SHANK2: variants seen among roughly 807,000 people sequenced by gnomAD.
SHANK2 encodes SH3 and multiple ankyrin repeat domains 2.
SHANK2 carries 43 observed loss-of-function variants against 133.7 expected under a neutral mutation model. That is an observed-to-expected ratio of 0.32 (90% CI 0.25 to 0.41). The LOEUF is 0.41. Ranked by LOEUF, SHANK2 falls within the 10% of genes least tolerant of loss-of-function variation. The probability of loss-of-function intolerance (pLI) is 1.00; values close to 1 mark genes in which losing one functional copy is unlikely to be tolerated. For synonymous variants in SHANK2, 1,017 were observed against 952.8 expected, an observed-to-expected ratio of 1.07 and a Z score of -1.24; for missense variants, 1,994 against 2,235.8, an observed-to-expected ratio of 0.89 and a Z score of 2.18.
intron 10 of SHANK2, among the ~76,000 whole-genome samples, chr11:70,928,557 G>A (rs1169767282): frequency 6.6e-6 from 1 of 152,158 alleles, no homozygotes; most frequent in Non-Finnish European, 1.5e-5. Flanking sequence ...TCAGAATGGA[G>A]GAAAAGCCTG....
At chr11:71,092,219 T>C (rs1169732909) in intron 8 of SHANK2, among the ~76,000 whole-genome samples, 10 of 152,252 alleles carry the variant, frequency 6.6e-5, no homozygotes, top group African/African-American at 1.9e-4. Flanking sequence ...TCTATTTCTA[T>C]GCAAATGTGT....
intron 17 of SHANK2, among the ~76,000 whole-genome samples, chr11:70,605,949 C>G (rs187205058): frequency 1.3e-5 from 2 of 151,660 alleles, no homozygotes; most frequent in Non-Finnish European, 1.5e-5. Context: ...ACCTATTATT[C>G]CCCCCCCTCC....
At chr11:70,573,699 C>T (rs1591597978) in intron 17 of SHANK2, among the ~76,000 whole-genome samples, 2 of 152,310 alleles carry the variant, frequency 1.3e-5, no homozygotes, top group East Asian at 3.9e-4. Context: ...CACGCAAGCC[C>T]CTGGCTGCCC....
chr11:71,070,803 A>G (rs1203936349), intron 9 of SHANK2, among the ~76,000 whole-genome samples: 2 of 152,256 alleles, frequency 1.3e-5, no homozygotes, highest in African/African-American at 4.8e-5. Context: ...AAAGCCTAAA[A>G]TGTTACCCAA....
intron 2 of SHANK2, among the ~76,000 whole-genome samples, chr11:71,161,673 C>G (rs1953021710): frequency 6.6e-6 from 1 of 152,248 alleles, no homozygotes. Context: ...CCTGACTCCA[C>G]TTTGTGTTGT....
chr11:71,217,438 AG>A (rs1300625415), intron 2 of SHANK2, among the ~76,000 whole-genome samples: 1 of 152,040 alleles, frequency 6.6e-6, no homozygotes, highest in Non-Finnish European at 1.5e-5. Flanking sequence ...CTGGAAGTGG[AG>A]GCTGCAGTGA....
intron 11 of SHANK2, among the ~76,000 whole-genome samples, chr11:70,858,321 C>T (rs1226753603): frequency 6.6e-6 from 1 of 152,224 alleles, no homozygotes; most frequent in Non-Finnish European, 1.5e-5. Flanking sequence ...CTTCTCTTAG[C>T]CATGGCCATG....
chr11:70,668,986 A>G (rs1250472358), intron 15 of SHANK2: 1 of 152,330 alleles, frequency 6.6e-6, no homozygotes, highest in Non-Finnish European at 1.5e-5. Context: ...AGTTTCACCC[A>G]TGAGGACTGA....
intron 6 of SHANK2, among the ~76,000 whole-genome samples, 183 bp downstream of exon 6, chr11:71,109,758 G>T (rs987397221): frequency 1.3e-5 from 2 of 152,286 alleles, no homozygotes; most frequent in East Asian, 3.8e-4. Context: ...GATGCCCCAT[G>T]GACAAGGCGG....
intron 3 of SHANK2, among the ~76,000 whole-genome samples, chr11:71,136,853 AT>A (rs1293504536): frequency 2.0e-5 from 3 of 152,174 alleles, no homozygotes; most frequent in Non-Finnish European, 4.4e-5. Flanking sequence ...ACTAGGAATC[AT>A]CAAATGGTAT....
rs576656673 is a variant in SHANK2 at position 70,882,086 on chromosome 11, C to T, written c.1174+14415G>A. Among the ~76,000 whole-genome samples, 26 of 152,220 alleles carry T rather than the reference C, an allele frequency of 1.7e-4. No individual in the cohort carries two copies. The highest frequency in any genetic ancestry group is 5.1e-4 in the African/African-American group (21 of 41,532). On this transcript the variant is annotated intron_variant, in intron 11 of 25. Coordinates refer to ENST00000601538, the MANE Select transcript of SHANK2 (RefSeq NM_012309.5). The surrounding 1 kb of genome is among the most constrained non-coding windows in gnomAD (Gnocchi z 4.2). ...AAAACATCAGTGTGAATTCCCCAAG[C>T]CCCCAGGGGGACACACTGAGGACCA...
intron 2 of SHANK2, chr11:71,174,607 G>A (rs1479193694): frequency 6.7e-6 from 1 of 149,718 alleles, no homozygotes; most frequent in Non-Finnish European, 1.5e-5. Context: ...CTGAACCCAG[G>A]AGGCAGAGGT....
At chr11:71,191,076 C>G (rs1261257945) in intron 2 of SHANK2, among the ~76,000 whole-genome samples, 1 of 151,938 alleles carries the variant, frequency 6.6e-6, no homozygotes, top group Non-Finnish European at 1.5e-5. Flanking sequence ...GAGGCTGAGG[C>G]AGGAGGATCA....
At chr11:70,597,905 G>A (rs2060422832) in intron 17 of SHANK2, among the ~76,000 whole-genome samples, 1 of 152,134 alleles carries the variant, frequency 6.6e-6, no homozygotes, top group Non-Finnish European at 1.5e-5. Context: ...ACACCAGAGT[G>A]GCAGGATCCA....
Position 70,469,144 on chromosome 11 carries a change from C to T in SHANK2, c.*3725G>A, listed in dbSNP as rs533053812. 2.0e-4 allele frequency: 31 copies of T among 152,372 alleles called. No homozygotes were observed. Among genetic ancestry groups the T allele is most frequent in the African/African-American group, 7.2e-4 (30 of 41,590 alleles). The allele number at this position is 152,372 out of a possible 1,614,324, so 9.4% of individuals were successfully genotyped here. On this transcript the variant is annotated 3_prime_UTR_variant, in exon 26 of 26. Coordinates refer to ENST00000601538, the MANE Select transcript of SHANK2 (RefSeq NM_012309.5). ...CAGAACAAAAGGAAAAGCCGAGCCT[C>T]AGCTCCACGCCTATAGCAGCGGTCA...
At chr11:71,249,114 C>G (rs1948134443) in intron 1 of SHANK2, among the ~76,000 whole-genome samples, 1 of 152,190 alleles carries the variant, frequency 6.6e-6, no homozygotes. Flanking sequence ...ACAAAGGTCA[C>G]TTAGCCCTGG....
At chr11:71,063,303 G>A (rs1191322489) in intron 9 of SHANK2, among the ~76,000 whole-genome samples, 2 of 152,154 alleles carry the variant, frequency 1.3e-5, no homozygotes, top group Admixed American at 1.3e-4. Flanking sequence ...CCATTACCAC[G>A]TGTTTCCCAG....
chr11:71,244,857 C>A (rs1444947592), intron 1 of SHANK2, among the ~76,000 whole-genome samples: 1 of 152,164 alleles, frequency 6.6e-6, no homozygotes, highest in Admixed American at 6.5e-5. Flanking sequence ...GTGTGCCCCA[C>A]TGTGCCTGGC....
intron 14 of SHANK2, among the ~76,000 whole-genome samples, chr11:70,796,318 G>C (rs782052435): frequency 6.6e-6 from 1 of 152,202 alleles, no homozygotes; most frequent in Admixed American, 6.5e-5. Flanking sequence ...GGAGGATGGA[G>C]AGAGCAGGAA....
Sources: allele counts gnomAD v4.1 joint callset (sites outside exome capture counted in the v4.1 genomes callset), GRCh38; gene constraint gnomAD v4.1.1; non-coding constraint Gnocchi (gnomAD v3.1); transcripts MANE v1.5; gene names NCBI Gene and HGNC (gene_info 2026-07-23, HGNC 2026-07-21).